The following METTL25 variants were observed in gnomAD, a reference collection of about 807,000 sequenced individuals.
METTL25 encodes the protein probable methyltransferase-like protein 25.
In METTL25, 64 loss-of-function variants were observed where a neutral mutation model predicts 71.6. That is an observed-to-expected ratio of 0.89 (90% CI 0.73 to 1.10). METTL25 has a LOEUF of 1.10. Ranked by LOEUF, METTL25 falls within the 50% of genes least tolerant of loss-of-function variation. METTL25 has a pLI of 0.00. For missense variants in METTL25, 807 were observed against 707.0 expected, an observed-to-expected ratio of 1.14 and a Z score of -1.60; for synonymous variants, 287 against 250.3, an observed-to-expected ratio of 1.15 and a Z score of -1.38.
At chr12:82,458,826 C>T (rs962761258) in intron 9 of METTL25, among the ~76,000 whole-genome samples, 1 of 152,090 alleles carries the variant, frequency 6.6e-6, no homozygotes, top group African/African-American at 2.4e-5. Context: ...CCAGCCAAAT[C>T]TAACTTTCCA....
rs371131438 is a variant in METTL25 at position 82,423,499 on chromosome 12, A to G, written c.1280-7394A>G. Among the ~76,000 whole-genome samples, 110 of 152,350 alleles carry G rather than the reference A, an allele frequency of 7.2e-4. No individual in the cohort carries two copies. In the East Asian group the frequency reaches 0.018, roughly 25 times the overall value. ...AGGCATGGGCAAGGACTTTATGACT[A>G]AAACACCAAAAGCAATGGCAACAAA... On this transcript the variant is annotated intron_variant, in intron 5 of 11. Transcript: ENST00000248306.
chr12:82,435,425 C>T (rs1889844136), intron 7 of METTL25, among the ~76,000 whole-genome samples: 1 of 151,218 alleles, frequency 6.6e-6, no homozygotes, highest in Admixed American at 6.6e-5. Context: ...TTACCCTGGG[C>T]CAGAAACATT....
chr12:82,449,304 A>G (rs1173842417), intron 8 of METTL25, among the ~76,000 whole-genome samples: 1 of 152,178 alleles, frequency 6.6e-6, no homozygotes, highest in Non-Finnish European at 1.5e-5. Flanking sequence ...GCCCAAACCT[A>G]AACTATTATT....
At position 82,428,777 on chromosome 12, in the gene METTL25, T is replaced by C. The variant is rs912717327; in HGVS notation, c.1280-2116T>C. 2.3e-3 allele frequency among the ~76,000 whole-genome samples: 4 copies of C among 1,736 alleles called. No homozygotes were observed. The Non-Finnish European group carries it at 0.028, about 12-fold the overall frequency. The allele number at this position is 1,736 out of a possible 152,430, so 1.1% of individuals were successfully genotyped here. A position where few individuals can be genotyped will look rare whatever the true frequency, so the allele number is the denominator to read the frequency against. On this transcript the variant is annotated intron_variant, in intron 5 of 11. Coordinates refer to ENST00000248306, the MANE Select transcript of METTL25 (RefSeq NM_032230.3). ...ACTTAACCTGTCTGTCTGTGCTCAG[T>C]TTCCCTATCTGGAACATGAGAATAA...
intron 8 of METTL25, among the ~76,000 whole-genome samples, chr12:82,447,789 T>G (rs1890861347): frequency 6.6e-6 from 1 of 152,100 alleles, no homozygotes; most frequent in African/African-American, 2.4e-5. Context: ...TACACATGTT[T>G]TGTAAACGCT....
intron 11 of METTL25, among the ~76,000 whole-genome samples, chr12:82,478,296 A>AT (rs1271456399): frequency 1.3e-5 from 2 of 151,840 alleles, no homozygotes; most frequent in East Asian, 3.9e-4. Flanking sequence ...ATAGGTTGTA[A>AT]TGAAATGATA....
chr12:82,464,829 T>C (rs772831676), intron 9 of METTL25, among the ~76,000 whole-genome samples: 21 of 151,906 alleles, frequency 1.4e-4, no homozygotes, highest in Non-Finnish European at 2.7e-4. Context: ...TTTACCTCCT[T>C]CGTTAAATTT....
chr12:82,383,618 G>A (rs182688250), intron 1 of METTL25, among the ~76,000 whole-genome samples: 183 of 152,252 alleles, frequency 1.2e-3, no homozygotes, highest in African/African-American at 4.4e-3. Flanking sequence ...TAATAGGGAT[G>A]AATTATTGTA....
At chr12:82,394,552 C>G (rs549525407) in intron 3 of METTL25, among the ~76,000 whole-genome samples, 4 of 152,098 alleles carry the variant, frequency 2.6e-5, no homozygotes, top group African/African-American at 9.6e-5. Flanking sequence ...ATTCATTTAG[C>G]AAATATTTCT....
At position 82,434,678 on chromosome 12, in the gene METTL25, GT is replaced by G; in HGVS notation, c.1375-10del. The G allele has an allele frequency of 2.5e-6, 4 of 1,606,490 alleles. No individual in the cohort carries two copies. Among genetic ancestry groups the G allele is most frequent in the Non-Finnish European group, 3.4e-6 (4 of 1,174,416 alleles). On this transcript the variant is annotated splice_polypyrimidine_tract_variant and intron_variant, in intron 6 of 11. Coordinates refer to ENST00000248306, the MANE Select transcript of METTL25 (RefSeq NM_032230.3). ...ACTCAATATATCAACAATCTGTCTT[GT>G]TTTTTTCCCTTTAAGGCATTGGAGC...
chr12:82,365,023 A>T (rs1189154137), intron 1 of METTL25, among the ~76,000 whole-genome samples: 2 of 152,176 alleles, frequency 1.3e-5, no homozygotes, highest in African/African-American at 4.8e-5. Context: ...AAAATTGTTT[A>T]TTTTTAATTG....
At position 82,438,740 on chromosome 12, in the gene METTL25, A is replaced by T. The variant is rs148345125; in HGVS notation, c.1427A>T (p.Tyr476Phe). 4 of 1,541,042 alleles carry T rather than the reference A, an allele frequency of 2.6e-6. No individual in the cohort carries two copies. The Admixed American group carries it at 5.6e-5, about 22-fold the overall frequency. Residue 476 changes from tyrosine to phenylalanine, a missense_variant, in exon 8 of 12, where the codon TAT (tyrosine) becomes TTT (phenylalanine). Tyr to Phe is a conservative substitution (Grantham distance 22). Coordinates refer to ENST00000248306, the MANE Select transcript of METTL25 (RefSeq NM_032230.3). ...GQGLPTESLF[Y>F]RAVLQDIIKD... ...CAGCTGCCTACTGAATCACTCTTCT[A>T]TCGTGCTGTTCTTCAGGATATTATT... is the stretch of plus-strand genomic sequence containing the variant.
At chr12:82,411,438 A>G (rs919049692) in intron 5 of METTL25, among the ~76,000 whole-genome samples, 2 of 152,024 alleles carry the variant, frequency 1.3e-5, no homozygotes, top group Non-Finnish European at 2.9e-5. Context: ...TTTTGGGGCA[A>G]AGTTGGAACA....
intron 1 of METTL25, among the ~76,000 whole-genome samples, chr12:82,368,760 C>CTTA (rs1015883670): frequency 5.9e-5 from 9 of 152,138 alleles, no homozygotes; most frequent in African/African-American, 1.9e-4. Flanking sequence ...GCTATTAACA[C>CTTA]CATGGTCATG....
At chr12:82,403,225 C>T in intron 5 of METTL25, 95 bp downstream of exon 5, 1 of 1,217,138 alleles carries the variant, frequency 8.2e-7, no homozygotes, top group Non-Finnish European at 1.2e-6. Flanking sequence ...TTCGTCATTA[C>T]CATGATTTGG....
chr12:82,390,680 G>A (rs1592635041), intron 3 of METTL25, among the ~76,000 whole-genome samples: 1 of 152,174 alleles, frequency 6.6e-6, no homozygotes, highest in South Asian at 2.1e-4. Flanking sequence ...GCATAGGCTT[G>A]CAGAGCCACT....
intron 8 of METTL25, among the ~76,000 whole-genome samples, chr12:82,454,041 A>T (rs1891320867): frequency 6.6e-6 from 1 of 152,140 alleles, no homozygotes; most frequent in Non-Finnish European, 1.5e-5. Context: ...AGCATATTAT[A>T]TAGATTTTAC....
intron 7 of METTL25, among the ~76,000 whole-genome samples, chr12:82,435,011 A>G (rs1294830538): frequency 6.6e-6 from 1 of 151,528 alleles, no homozygotes; most frequent in Admixed American, 6.6e-5. Flanking sequence ...GTTGACAATT[A>G]GGTTTTTAGG....
chr12:82,362,551 C>T (rs1384269490), intron 1 of METTL25, among the ~76,000 whole-genome samples: 2 of 152,104 alleles, frequency 1.3e-5, no homozygotes, highest in African/African-American at 2.4e-5. Flanking sequence ...TTGGTGAGAC[C>T]GGTGAGAGAT....
Sources: allele counts gnomAD v4.1 joint callset (sites outside exome capture counted in the v4.1 genomes callset), GRCh38; gene constraint gnomAD v4.1.1; transcripts MANE v1.5; gene names NCBI Gene and HGNC (gene_info 2026-07-23, HGNC 2026-07-21).